Variants in NSL1 observed in about 807,000 individuals in gnomAD.
The protein encoded by NSL1 is kinetochore-associated protein NSL1 homolog.
NSL1 carries 11 observed loss-of-function variants against 25.4 expected under a neutral mutation model. The observed-to-expected ratio is 0.43, with a 90% CI of 0.27 to 0.72. NSL1 has a LOEUF of 0.72. Ranked by LOEUF, NSL1 falls within the 30% of genes least tolerant of loss-of-function variation. The pLI is 0.19. For synonymous variants in NSL1, 118 were observed against 120.6 expected, an observed-to-expected ratio of 0.98 and a Z score of 0.14; for missense variants, 330 against 342.7, an observed-to-expected ratio of 0.96 and a Z score of 0.29.
chr1:212,790,049 T>C (rs1290429260), intron 1 of NSL1, among the ~76,000 whole-genome samples: 4 of 152,114 alleles, frequency 2.6e-5, no homozygotes, highest in African/African-American at 9.7e-5. Flanking sequence ...AGTCTCGCTC[T>C]GTCACCCAGG....
rs1430933158 is a variant in NSL1, at chr1:212,787,608, G to A, written c.264C>T (p.Ile88=). ...CCTGCCATGCTTGCCCATTAATGCT[G>A]ATATTCTCTTGCACAGCTGATTCAA... is the stretch of plus-strand genomic sequence containing the variant. ...WTFESAVQEN[I]SINGQAWQEA... The change falls in exon 2 of 6, where the codon ATC becomes ATT. Residue 88 remains isoleucine, a synonymous_variant. Coordinates refer to ENST00000366977, the MANE Select transcript of NSL1 (RefSeq NM_015471.4). 16 of 1,606,866 alleles carry A rather than the reference G, an allele frequency of 1.0e-5. No homozygotes were observed. Among genetic ancestry groups the A allele is most frequent in the Non-Finnish European group, 1.4e-5 (16 of 1,177,012 alleles).
intron 4 of NSL1, among the ~76,000 whole-genome samples, chr1:212,780,589 T>G (rs1017460809): frequency 6.6e-6 from 1 of 151,918 alleles, no homozygotes; most frequent in African/African-American, 2.4e-5. Context: ...AAAAAAACTT[T>G]CAAGAGGTTC....
chr1:212,738,545 T>C lies in NSL1; in HGVS notation c.709A>G (p.Thr237Ala). Reference sequence around the variant, plus strand: ...TCTGTTGGTGTGGTTTCTATCTGTGTTATAAAGTTCTCAGGTTTAGCATCT... The same window carrying C: ...TCTGTTGGTGTGGTTTCTATCTGTGCTATAAAGTTCTCAGGTTTAGCATCT... ...KPDAKPENFI[T>A]QIETTPTETA... is the part of the protein sequence containing the mutation. The change falls in exon 6 of 6, where the codon ACA becomes GCA. Residue 237 changes from threonine (T) to alanine (A), a missense_variant. Coordinates refer to ENST00000366977, the MANE Select transcript of NSL1 (RefSeq NM_015471.4). The C allele has an allele frequency of 6.2e-7, 1 of 1,614,176 alleles. No individual in the cohort carries two copies.
At chr1:212,772,080 C>G (rs1050341145) in intron 4 of NSL1, among the ~76,000 whole-genome samples, 1 of 152,212 alleles carries the variant, frequency 6.6e-6, no homozygotes, top group East Asian at 1.9e-4. Context: ...CTCTTGCCAC[C>G]GCCATTTAAG....
At position 212,730,335 on chromosome 1, in the gene NSL1, G is replaced by GT. The variant is rs904186627; in HGVS notation, c.*8072dup. ...TGTGGAGGGTGGCATTCCCATCAAG[G>GT]TGGCATCAGGGGCAGAAATGGACAA... On this transcript the variant is annotated 3_prime_UTR_variant, in exon 6 of 6. Transcript: ENST00000366977. 1.5e-5 allele frequency: 15 copies of GT among 984,294 alleles called. No homozygotes were observed. In the African/African-American group the frequency reaches 2.5e-4, roughly 16 times the overall value. The allele number at this position is 984,294 out of a possible 1,614,324, so 61.0% of individuals were successfully genotyped here. A position where few individuals can be genotyped will look rare whatever the true frequency, so the allele number is the denominator to read the frequency against.
At chr1:212,776,552 C>T (rs1465184626) in intron 4 of NSL1, among the ~76,000 whole-genome samples, 1 of 150,732 alleles carries the variant, frequency 6.6e-6, no homozygotes, top group African/African-American at 2.4e-5. Flanking sequence ...GAGACTATGT[C>T]TCAATAAAAT....
chr1:212,727,872 A>C lies in NSL1; in HGVS notation c.*10536T>G. ...CTGGGAAATTTAAAAATGTTTGTTG[A>C]TACTCTCTGTTGCTATGTGTCATTG... On this transcript the variant is annotated 3_prime_UTR_variant, in exon 6 of 6. Coordinates refer to ENST00000366977, the MANE Select transcript of NSL1 (RefSeq NM_015471.4). The C allele has an allele frequency of 1.0e-6, 1 of 985,266 alleles. No homozygotes were observed. The highest frequency in any genetic ancestry group is 1.2e-6 in the Non-Finnish European group (1 of 829,790). 61.0% of individuals were successfully genotyped at this position (985,266 alleles called of 1,614,324 possible). A position where few individuals can be genotyped will look rare whatever the true frequency, so the allele number is the denominator to read the frequency against.
rs1300743304 is a variant in NSL1, at chr1:212,736,306, G to C, written c.*2102C>G. 3 of 977,124 alleles carry C rather than the reference G, an allele frequency of 3.1e-6. No homozygotes were observed. The African/African-American group carries it at 5.3e-5, about 17-fold the overall frequency. The allele number at this position is 977,124 out of a possible 1,614,324, so 60.5% of individuals were successfully genotyped here. Reference sequence around the variant, plus strand: ...CCCAAAGTGCTGGGATTACAGGCATGAGCCCACCGCGCCTGGCTATTTCTT... The same window carrying C: ...CCCAAAGTGCTGGGATTACAGGCATCAGCCCACCGCGCCTGGCTATTTCTT... On this transcript the variant is annotated 3_prime_UTR_variant, in exon 6 of 6. Coordinates refer to ENST00000366977, the MANE Select transcript of NSL1 (RefSeq NM_015471.4).
rs138069461 is a variant in NSL1, at chr1:212,784,039, A to G, written c.444+324T>C. On this transcript the variant is annotated intron_variant, in intron 3 of 5. Transcript: ENST00000366977. ...AACAACAAACAGAAAGAAAAGTGTT[A>G]AAAGAAAAGCTTCTTTTTCCATCCT... 4.1e-3 allele frequency: 678 copies of G among 163,410 alleles called. 3 individuals carry two copies. The highest frequency in any genetic ancestry group is 0.015 in the African/African-American group (652 of 42,090). The allele number at this position is 163,410 out of a possible 1,614,324, so 10.1% of individuals were successfully genotyped here. A position where few individuals can be genotyped will look rare whatever the true frequency, so the allele number is the denominator to read the frequency against.
At chr1:212,750,932 C>A (rs1368090985) in intron 4 of NSL1, among the ~76,000 whole-genome samples, 1 of 152,036 alleles carries the variant, frequency 6.6e-6, no homozygotes, top group Non-Finnish European at 1.5e-5. Context: ...CAGAGCAAGA[C>A]TGCCTCAAAC....
chr1:212,743,451 C>T (rs1658599714), intron 4 of NSL1, among the ~76,000 whole-genome samples: 1 of 150,514 alleles, frequency 6.6e-6, no homozygotes, highest in African/African-American at 2.4e-5. Context: ...CCATGAACCA[C>T]AGCGCCTGGC....
intron 4 of NSL1, among the ~76,000 whole-genome samples, chr1:212,776,415 A>G (rs1344574370): frequency 6.6e-6 from 1 of 151,638 alleles, no homozygotes; most frequent in Non-Finnish European, 1.5e-5. Context: ...TTAGCTGGGC[A>G]TGGTGGCTTG....
At chr1:212,768,463 CA>C (rs1381614329) in intron 4 of NSL1, among the ~76,000 whole-genome samples, 1 of 151,658 alleles carries the variant, frequency 6.6e-6, no homozygotes, top group Non-Finnish European at 1.5e-5. Flanking sequence ...GCACAATTAG[CA>C]ACTGCAAAAA....
In NSL1 at chr1:212,728,593, T is replaced by A; in HGVS notation, c.*9815A>T. 2.0e-6 allele frequency: 2 copies of A among 985,446 alleles called. No individual in the cohort carries two copies. Among genetic ancestry groups the A allele is most frequent in the Non-Finnish European group, 2.4e-6 (2 of 829,928 alleles). The allele number at this position is 985,446 out of a possible 1,614,324, so 61.0% of individuals were successfully genotyped here. On this transcript the variant is annotated 3_prime_UTR_variant, in exon 6 of 6. Transcript: ENST00000366977. ...GATAGAAATGAGAAAAGGAGTTTTATGTTAGGAAAAAAATGGTTTCTGAGA... is the reference window on the plus strand; with the variant it reads ...GATAGAAATGAGAAAAGGAGTTTTAAGTTAGGAAAAAAATGGTTTCTGAGA...
intron 4 of NSL1, among the ~76,000 whole-genome samples, chr1:212,771,306 C>T (rs763372859): frequency 6.6e-6 from 1 of 152,092 alleles, no homozygotes; most frequent in Admixed American, 6.5e-5. Context: ...AAGTGCAAAA[C>T]TCCATCTCAA....
In NSL1 at chr1:212,737,253, C is replaced by G. The variant is rs1468141107; in HGVS notation, c.*1155G>C. 1 of 985,212 alleles carries G rather than the reference C, an allele frequency of 1.0e-6. No homozygotes were observed. The highest frequency in any genetic ancestry group is 1.2e-6 in the Non-Finnish European group (1 of 829,854). 61.0% of individuals were successfully genotyped at this position (985,212 alleles called of 1,614,324 possible). On this transcript the variant is annotated 3_prime_UTR_variant, in exon 6 of 6. Coordinates refer to ENST00000366977, the MANE Select transcript of NSL1 (RefSeq NM_015471.4). ...TGTAACACTGAAACACAAAATGCAACAAAGTGGCTTTATAAGTTTTCTTCA... is the reference window on the plus strand; with the variant it reads ...TGTAACACTGAAACACAAAATGCAAGAAAGTGGCTTTATAAGTTTTCTTCA...
chr1:212,781,739 C>G (rs1660740848), intron 4 of NSL1, among the ~76,000 whole-genome samples: 1 of 152,078 alleles, frequency 6.6e-6, no homozygotes, highest in Non-Finnish European at 1.5e-5. Flanking sequence ...CAAAAGGACT[C>G]TTAGAAAAAC....
chr1:212,747,730 A>G (rs1658869272), intron 4 of NSL1, among the ~76,000 whole-genome samples: 2 of 152,226 alleles, frequency 1.3e-5, no homozygotes, highest in South Asian at 4.1e-4. Flanking sequence ...ATTTAGGCTT[A>G]TCTTAGGTAG....
rs1407682661 is a variant in NSL1 at position 212,727,328 on chromosome 1, G to A, written c.*11080C>T. 4 of 1,290,182 alleles carry A rather than the reference G, an allele frequency of 3.1e-6. No homozygotes were observed. Among genetic ancestry groups the A allele is most frequent in the Non-Finnish European group, 3.9e-6 (4 of 1,017,228 alleles). The allele number at this position is 1,290,182 out of a possible 1,614,324, so 79.9% of individuals were successfully genotyped here. A position where few individuals can be genotyped will look rare whatever the true frequency, so the allele number is the denominator to read the frequency against. ...CAGGATCCCCTTCCAAATTACTGAGGGGCAGTAAGTCCTGGCACTCAGCAC... is the reference window on the plus strand; with the variant it reads ...CAGGATCCCCTTCCAAATTACTGAGAGGCAGTAAGTCCTGGCACTCAGCAC... On this transcript the variant is annotated 3_prime_UTR_variant, in exon 6 of 6. Transcript: ENST00000366977.
Sources: allele counts gnomAD v4.1 joint callset (sites outside exome capture counted in the v4.1 genomes callset), GRCh38; gene constraint gnomAD v4.1.1; transcripts MANE v1.5; gene names NCBI Gene and HGNC (gene_info 2026-07-23, HGNC 2026-07-21).